Variants in XYLT1 observed in about 807,000 individuals in gnomAD.
XYLT1 encodes xylosyltransferase 1, also known as beta-D-xylosyltransferase 1.
Under a neutral mutation model 91.3 loss-of-function variants are expected in XYLT1, and 36 were observed. The ratio of observed to expected loss-of-function variants is 0.39; its 90% confidence interval spans 0.30 to 0.52. XYLT1 has a LOEUF of 0.52. Ranked by LOEUF, XYLT1 falls within the 20% of genes least tolerant of loss-of-function variation. The probability of loss-of-function intolerance (pLI) is 0.68; values close to 1 mark genes in which losing one functional copy is unlikely to be tolerated. For missense variants in XYLT1, 1,242 were observed against 1,284.5 expected, an observed-to-expected ratio of 0.97 and a Z score of 0.51; for synonymous variants, 588 against 532.0, an observed-to-expected ratio of 1.11 and a Z score of -1.45.
At chr16:17,251,091 C>T (rs146157750) in intron 3 of XYLT1, 1 of 152,314 alleles carries the variant, frequency 6.6e-6, no homozygotes, top group Non-Finnish European at 1.5e-5. Context: ...CCACTGCCCC[C>T]AGGGCAGGAG....
intron 1 of XYLT1, among the ~76,000 whole-genome samples, chr16:17,407,071 G>A (rs1012088331): frequency 1.4e-4 from 21 of 151,888 alleles, no homozygotes; most frequent in Admixed American, 5.2e-4. Context: ...ACGCAATCTC[G>A]GCTCACTGCA....
At chr16:17,388,820 T>G (rs2035780991) in intron 1 of XYLT1, among the ~76,000 whole-genome samples, 1 of 152,174 alleles carries the variant, frequency 6.6e-6, no homozygotes, top group South Asian at 2.1e-4. Context: ...GATGCCAGCC[T>G]TTTCTCAGGA....
chr16:17,446,318 A>G (rs2036590714), intron 1 of XYLT1: 1 of 152,228 alleles, frequency 6.6e-6, no homozygotes, highest in Non-Finnish European at 1.5e-5. Context: ...TCTCACAGAT[A>G]TATAGATGTA....
chr16:17,129,626 T>C (rs2030396001), intron 9 of XYLT1, among the ~76,000 whole-genome samples: 1 of 152,222 alleles, frequency 6.6e-6, no homozygotes, highest in Admixed American at 6.5e-5. Flanking sequence ...CATGAGTAAG[T>C]TCTTTAGTGA....
intron 1 of XYLT1, among the ~76,000 whole-genome samples, chr16:17,403,186 TGGG>T (rs2035990449): frequency 6.6e-6 from 1 of 152,176 alleles, no homozygotes; most frequent in African/African-American, 2.4e-5. Context: ...ATGGATTTTA[TGGG>T]AATACCTCCC....
intron 1 of XYLT1, among the ~76,000 whole-genome samples, chr16:17,467,920 A>G (rs919765972): frequency 6.6e-6 from 1 of 152,100 alleles, no homozygotes; most frequent in African/African-American, 2.4e-5. Flanking sequence ...CCACCTCTCT[A>G]CAAGAGCCAT....
intron 1 of XYLT1, among the ~76,000 whole-genome samples, chr16:17,397,916 G>A (rs1338467598): frequency 1.3e-5 from 2 of 149,192 alleles, no homozygotes; most frequent in Admixed American, 6.8e-5. Context: ...TCTGCCTCCC[G>A]GGTTCAAGCG....
chr16:17,351,733 T>C (rs1182401483), intron 2 of XYLT1, among the ~76,000 whole-genome samples: 1 of 138,256 alleles, frequency 7.2e-6, no homozygotes, highest in South Asian at 2.3e-4. Flanking sequence ...ACTACTGACA[T>C]TTGAGGCTTT....
chr16:17,185,294 A>C (rs143651034), intron 5 of XYLT1, among the ~76,000 whole-genome samples: 2 of 152,372 alleles, frequency 1.3e-5, no homozygotes, highest in Admixed American at 6.5e-5. Context: ...CAAAACTGTT[A>C]ACGGCATAAT....
rs565300116 is a variant in XYLT1 at position 17,337,756 on chromosome 16, T to C, written c.402+20256A>G. ...TCTTATTTTTTCCTGAGTCCTACTT[T>C]GTCTGTTCCACATTTTTTCTTTTTC... On this transcript the variant is annotated intron_variant, in intron 2 of 11. Transcript: ENST00000261381. Among the ~76,000 whole-genome samples, 29 of 151,490 alleles carry C rather than the reference T, an allele frequency of 1.9e-4. No individual in the cohort carries two copies. The South Asian group carries it at 6.0e-3, about 32-fold the overall frequency.
chr16:17,215,058 A>C (rs1021437961), intron 3 of XYLT1, among the ~76,000 whole-genome samples: 16 of 152,132 alleles, frequency 1.1e-4, no homozygotes, highest in Non-Finnish European at 2.4e-4. Flanking sequence ...GAGGTGATTA[A>C]AGTTAAATGA....
At chr16:17,240,787 T>C (rs1245445750) in intron 3 of XYLT1, among the ~76,000 whole-genome samples, 1 of 152,196 alleles carries the variant, frequency 6.6e-6, no homozygotes. Flanking sequence ...GTATTACACA[T>C]CATTCCATTT....
chr16:17,110,897 C>G (rs957635486), intron 11 of XYLT1, among the ~76,000 whole-genome samples: 1 of 152,194 alleles, frequency 6.6e-6, no homozygotes, highest in African/African-American at 2.4e-5. Flanking sequence ...CGATGGCTTA[C>G]ACCTGTAATC....
chr16:17,376,876 C>T (rs1313402067), intron 1 of XYLT1, among the ~76,000 whole-genome samples: 2 of 120,356 alleles, frequency 1.7e-5, no homozygotes, highest in African/African-American at 6.6e-5. Context: ...GACGAATGAA[C>T]AAGAAATGCA....
At chr16:17,186,930 T>G (rs1168719740) in intron 5 of XYLT1, among the ~76,000 whole-genome samples, 3 of 151,932 alleles carry the variant, frequency 2.0e-5, no homozygotes, top group African/African-American at 7.3e-5. Context: ...CGGAGAGATG[T>G]CAGGGTTAGA....
intron 5 of XYLT1, among the ~76,000 whole-genome samples, chr16:17,190,000 C>T (rs139751286): frequency 0.011 from 1,680 of 152,248 alleles, 31 homozygotes; most frequent in African/African-American, 0.038. Context: ...GAGCCAAGAT[C>T]GTGCCATTGC....
intron 1 of XYLT1, among the ~76,000 whole-genome samples, chr16:17,448,704 AGGGGG>A (rs2036625346): frequency 1.2e-5 from 1 of 81,726 alleles, no homozygotes; most frequent in African/African-American, 4.8e-5. Context: ...GAGGAGGAAG[AGGGGG>A]GAGGAGGAAG....
At chr16:17,330,264 A>T (rs1434347864) in intron 2 of XYLT1, among the ~76,000 whole-genome samples, 1 of 152,206 alleles carries the variant, frequency 6.6e-6, no homozygotes, top group African/African-American at 2.4e-5. Context: ...AACAGCTGAT[A>T]AACTGGGTTG....
rs564075474 is a variant in XYLT1, at chr16:17,391,131, AACT to A, written c.364-33084_364-33082del. On this transcript the variant is annotated intron_variant, in intron 1 of 11. Coordinates refer to ENST00000261381, the MANE Select transcript of XYLT1 (RefSeq NM_022166.4). ...TTATTCCTGAGGTCACAAGATTTGCAACTTCCCTGATTCCTCCTGCAGATAACA... is the reference window on the plus strand; with the variant it reads ...TTATTCCTGAGGTCACAAGATTTGCATCCCTGATTCCTCCTGCAGATAACA... Among the ~76,000 whole-genome samples the A allele has an allele frequency of 4.8e-4, 73 of 152,330 alleles. 2 individuals are homozygous for A. The South Asian group carries it at 0.014, about 29-fold the overall frequency.
Sources: gnomAD v4.1 joint callset for allele counts (sites outside exome capture counted in the v4.1 genomes callset) on GRCh38, gnomAD v4.1.1 for gene constraint, MANE v1.5 for transcripts, NCBI Gene and HGNC (gene_info 2026-07-23, HGNC 2026-07-21) for gene names.